CSMD3: variants seen among roughly 807,000 people sequenced by gnomAD.
CSMD3 encodes CUB and Sushi multiple domains 3.
A neutral mutation model predicts 435.2 loss-of-function variants in CSMD3; 177 were observed. That is an observed-to-expected ratio of 0.41 (90% CI 0.36 to 0.46). The LOEUF is 0.46. Ranked by LOEUF, CSMD3 falls within the 20% of genes least tolerant of loss-of-function variation. The pLI, the probability that CSMD3 is intolerant of heterozygous loss-of-function variation, is 0.34. For missense variants in CSMD3, 4,265 were observed against 4,504.6 expected, an observed-to-expected ratio of 0.95 and a Z score of 1.52; for synonymous variants, 1,656 against 1,520.5, an observed-to-expected ratio of 1.09 and a Z score of -2.07.
chr8:112,955,887 C>T (rs1045085544), intron 7 of CSMD3, among the ~76,000 whole-genome samples: 2 of 151,806 alleles, frequency 1.3e-5, no homozygotes, highest in African/African-American at 2.4e-5. Flanking sequence ...TACCACTTCA[C>T]TATTTCTGAA....
chr8:112,229,400 A>G (rs1447224315), intron 69 of CSMD3, among the ~76,000 whole-genome samples: 1 of 146,118 alleles, frequency 6.8e-6, no homozygotes, highest in Non-Finnish European at 1.5e-5. Context: ...ATTCTGACGA[A>G]CTCAAACTTT....
At chr8:112,922,539 C>T (rs2082777432) in intron 9 of CSMD3, among the ~76,000 whole-genome samples, 2 of 152,030 alleles carry the variant, frequency 1.3e-5, no homozygotes, top group African/African-American at 4.8e-5. Context: ...CACTAACCTT[C>T]CCAGCCTCTG....
intron 1 of CSMD3, among the ~76,000 whole-genome samples, chr8:113,331,898 T>G (rs1392864047): frequency 6.6e-6 from 1 of 151,752 alleles, no homozygotes; most frequent in Non-Finnish European, 1.5e-5. Context: ...TTGCCACTTG[T>G]ATTTAACCTT....
intron 1 of CSMD3, among the ~76,000 whole-genome samples, chr8:113,368,979 A>T (rs2094330798): frequency 6.6e-6 from 1 of 152,210 alleles, no homozygotes; most frequent in East Asian, 1.9e-4. Context: ...AAACAACTGC[A>T]TTGAAATATA....
At chr8:112,558,477 G>A (rs934508108) in intron 24 of CSMD3, among the ~76,000 whole-genome samples, 8 of 151,748 alleles carry the variant, frequency 5.3e-5, no homozygotes, top group Non-Finnish European at 7.4e-5. Flanking sequence ...TCACTGAACC[G>A]CAGCATAAAA....
At chr8:113,365,549 ATG>A (rs1297832716) in intron 1 of CSMD3, among the ~76,000 whole-genome samples, 1 of 152,046 alleles carries the variant, frequency 6.6e-6, no homozygotes, top group Non-Finnish European at 1.5e-5. Flanking sequence ...CAAAAAAATG[ATG>A]TCTTATGTTG....
intron 13 of CSMD3, among the ~76,000 whole-genome samples, chr8:112,696,223 A>C (rs2076251934): frequency 6.6e-6 from 1 of 152,312 alleles, no homozygotes; most frequent in East Asian, 1.9e-4. Context: ...TGAAAAAACT[A>C]CTTTAAAGTT....
At chr8:113,373,133 T>C (rs577891302) in intron 1 of CSMD3, among the ~76,000 whole-genome samples, 3 of 152,220 alleles carry the variant, frequency 2.0e-5, no homozygotes, top group African/African-American at 7.2e-5. Flanking sequence ...AGAATCCAAT[T>C]CTCTAATCTG....
intron 8 of CSMD3, among the ~76,000 whole-genome samples, chr8:112,953,168 G>A (rs2083889151): frequency 6.6e-6 from 1 of 151,264 alleles, no homozygotes; most frequent in Admixed American, 6.6e-5. Flanking sequence ...TTAGAATTCA[G>A]AAATAAATAT....
intron 4 of CSMD3, among the ~76,000 whole-genome samples, chr8:113,123,784 T>C (rs1018574865): frequency 7.9e-5 from 12 of 152,120 alleles, no homozygotes; most frequent in African/African-American, 2.9e-4. Context: ...ACATTTACTA[T>C]CTTAGTGGAT....
intron 3 of CSMD3, among the ~76,000 whole-genome samples, chr8:113,186,657 A>G (rs777399566): frequency 1.3e-5 from 2 of 151,950 alleles, no homozygotes; most frequent in African/African-American, 2.4e-5. Flanking sequence ...CCATTTTATT[A>G]TGGAACTCTT....
intron 5 of CSMD3, among the ~76,000 whole-genome samples, chr8:113,086,109 G>A (rs1321886539): frequency 6.6e-6 from 1 of 151,854 alleles, no homozygotes; most frequent in Non-Finnish European, 1.5e-5. Context: ...TTAGCCAGGC[G>A]TGGGTGGCGG....
chr8:112,582,709 C>T (rs1165632666), intron 23 of CSMD3, among the ~76,000 whole-genome samples: 1 of 151,886 alleles, frequency 6.6e-6, no homozygotes, highest in African/African-American at 2.4e-5. Context: ...ATTTGTGTCC[C>T]CCCAAATTTG....
rs889139035 is a variant in CSMD3 at position 113,282,566 on chromosome 8, C to A, written c.402-3862G>T. On this transcript the variant is annotated intron_variant, in intron 2 of 70. Transcript: ENST00000297405. ...CCTCTACAAGGAAAACTATAAAACA[C>A]TGCTGAAAGAAATCATAGATGACAT... 7.9e-5 allele frequency among the ~76,000 whole-genome samples: 12 copies of A among 151,914 alleles called. No homozygotes were observed. The East Asian group carries it at 1.9e-3, about 24-fold the overall frequency.
chr8:113,432,224 A>G (rs1415318000), intron 1 of CSMD3, among the ~76,000 whole-genome samples: 1 of 152,150 alleles, frequency 6.6e-6, no homozygotes, highest in Non-Finnish European at 1.5e-5. Context: ...CTAACTGTCC[A>G]GTGAAGTTCA....
At chr8:112,916,868 G>T (rs963037131) in intron 10 of CSMD3, among the ~76,000 whole-genome samples, 2 of 151,802 alleles carry the variant, frequency 1.3e-5, no homozygotes, top group African/African-American at 4.8e-5. Context: ...TGGGTGCAGT[G>T]GGTCACTGAG....
At chr8:112,334,921 AGCGTG>A (rs1420452601) in intron 45 of CSMD3, among the ~76,000 whole-genome samples, 1 of 152,214 alleles carries the variant, frequency 6.6e-6, no homozygotes, top group Non-Finnish European at 1.5e-5. Flanking sequence ...TGTGATCCAA[AGCGTG>A]AAGATACTGA....
chr8:112,417,095 G>T (rs1272976184), intron 32 of CSMD3, among the ~76,000 whole-genome samples: 3 of 152,122 alleles, frequency 2.0e-5, no homozygotes, highest in Non-Finnish European at 4.4e-5. Context: ...CCTCTTTGTT[G>T]CATAGAAGAA....
At chr8:113,064,748 T>A (rs1349825851) in intron 5 of CSMD3, among the ~76,000 whole-genome samples, 1 of 152,202 alleles carries the variant, frequency 6.6e-6, no homozygotes, top group Non-Finnish European at 1.5e-5. Flanking sequence ...AAATTAAACA[T>A]GCCACAAATA....
Sources: gnomAD v4.1 joint callset for allele counts (sites outside exome capture counted in the v4.1 genomes callset) on GRCh38, gnomAD v4.1.1 for gene constraint, MANE v1.5 for transcripts, NCBI Gene and HGNC (gene_info 2026-07-23, HGNC 2026-07-21) for gene names.